The following ABCG1 variants were observed in gnomAD, a reference collection of about 807,000 sequenced individuals.
ABCG1 encodes the protein ATP-binding cassette sub-family G member 1.
A neutral mutation model predicts 69.2 loss-of-function variants in ABCG1; 29 were observed. The observed-to-expected ratio is 0.42, with a 90% CI of 0.31 to 0.57. The LOEUF is 0.57. Among genes scored for constraint, ABCG1 ranks in the 20% least tolerant of loss-of-function variants. The pLI is 0.15. For missense variants in ABCG1, 718 were observed against 898.1 expected, an observed-to-expected ratio of 0.80 and a Z score of 2.56; for synonymous variants, 370 against 374.8, an observed-to-expected ratio of 0.99 and a Z score of 0.15.
chr21:42,213,049 G>T (rs2123476776), upstream of ABCG1, among the ~76,000 whole-genome samples: 1 of 152,346 alleles, frequency 6.6e-6, no homozygotes, highest in African/African-American at 2.4e-5. Flanking sequence ...TTCTCAGCCT[G>T]ACCATACTGT....
At chr21:42,226,290 T>C (rs1446344411) in intron 2 of ABCG1, among the ~76,000 whole-genome samples, 1 of 152,134 alleles carries the variant, frequency 6.6e-6, no homozygotes, top group Non-Finnish European at 1.5e-5. Flanking sequence ...CAGAGCAAAA[T>C]GGGGGACAGG....
chr21:42,251,043 T>C (rs2068212251), intron 2 of ABCG1, among the ~76,000 whole-genome samples: 1 of 47,900 alleles, frequency 2.1e-5, no homozygotes, highest in Non-Finnish European at 3.6e-5. Flanking sequence ...TGAACTTGCC[T>C]GACCATACCC....
At chr21:42,262,776 C>T (rs2068435288) in intron 2 of ABCG1, among the ~76,000 whole-genome samples, 1 of 152,206 alleles carries the variant, frequency 6.6e-6, no homozygotes, top group Non-Finnish European at 1.5e-5. Context: ...TTGAGCAGGT[C>T]ATTAACCCTC....
intron 2 of ABCG1, among the ~76,000 whole-genome samples, chr21:42,252,550 C>T (rs544280262): frequency 9.3e-4 from 142 of 152,210 alleles, no homozygotes; most frequent in African/African-American, 3.3e-3. Context: ...TGAGACTCAG[C>T]CATGGCTGCT....
At chr21:42,251,117 C>A (rs1278481555) in intron 2 of ABCG1, among the ~76,000 whole-genome samples, 1 of 152,184 alleles carries the variant, frequency 6.6e-6, no homozygotes, top group African/African-American at 2.4e-5. Flanking sequence ...GGTCGGTGAC[C>A]TACCCAGGAG....
intron 13 of ABCG1, among the ~76,000 whole-genome samples, chr21:42,293,101 CGG>C (rs2069111061): frequency 1.6e-4 from 18 of 111,586 alleles, no homozygotes; most frequent in South Asian, 6.1e-4. Flanking sequence ...ACACCACACA[CGG>C]TACACACCAC....
chr21:42,243,108 C>T (rs556029192), intron 2 of ABCG1, among the ~76,000 whole-genome samples: 26 of 152,314 alleles, frequency 1.7e-4, no homozygotes, highest in African/African-American at 4.8e-4. Flanking sequence ...CCTGCTCTCC[C>T]ATGGTCAGGC....
rs2067678769 is a variant in ABCG1, at chr21:42,219,164, C to A, written c.-99C>A. 2.7e-6 allele frequency: 3 copies of A among 1,111,914 alleles called. No homozygotes were observed. The Admixed American group carries it at 1.4e-4, about 51-fold the overall frequency. The allele number at this position is 1,111,914 out of a possible 1,614,324, so 68.9% of individuals were successfully genotyped here. A position where few individuals can be genotyped will look rare whatever the true frequency, so the allele number is the denominator to read the frequency against. On this transcript the variant is annotated 5_prime_UTR_variant, in exon 1 of 15. Transcript: ENST00000398449. This position sits in a 1 kb window ranked among gnomAD's most constrained non-coding sequence, Gnocchi z 5.3. ...CGGAGCCCAAGCGCAGCCCGCACCC[C>A]GCGCAGCGGCTGAGCCGGGAGCCAG...
intron 2 of ABCG1, among the ~76,000 whole-genome samples, chr21:42,234,054 A>T (rs577339438): frequency 6.6e-6 from 1 of 152,354 alleles, no homozygotes; most frequent in African/African-American, 2.4e-5. Flanking sequence ...TTTAATTAAA[A>T]ATAACTGGTG....
upstream of ABCG1, among the ~76,000 whole-genome samples, chr21:42,216,632 G>A (rs8134346): frequency 0.021 from 3,129 of 152,286 alleles, 100 homozygotes; most frequent in African/African-American, 0.07. Context: ...GGCCAGAGCC[G>A]TGGAGACAGC....
At chr21:42,292,306 C>T (rs2069078417) in intron 13 of ABCG1, among the ~76,000 whole-genome samples, 1 of 152,082 alleles carries the variant, frequency 6.6e-6, no homozygotes, top group South Asian at 2.1e-4. Flanking sequence ...AAGCAAGCTC[C>T]CTGGCCTCCA....
chr21:42,263,100 C>G (rs2068441655), intron 2 of ABCG1, among the ~76,000 whole-genome samples: 1 of 152,232 alleles, frequency 6.6e-6, no homozygotes, highest in Non-Finnish European at 1.5e-5. Flanking sequence ...GCACTGTTAG[C>G]TAATGTAGGA....
Position 42,291,473 on chromosome 21 carries a change from G to T in ABCG1, c.1495-25G>T, listed in dbSNP as rs200089864. 2 of 1,594,942 alleles carry T rather than the reference G, an allele frequency of 1.3e-6. No homozygotes were observed. The highest frequency in any genetic ancestry group is 1.1e-5 in the South Asian group (1 of 89,358). ...GCTGTGGTGGGAAGCGGCTGAGCCC[G>T]CGGCTGACGGGTCCTTGTTTCCAGA... On this transcript the variant is annotated intron_variant, in intron 12 of 14. Transcript: ENST00000398449. The surrounding 1 kb of genome is among the most constrained non-coding windows in gnomAD (Gnocchi z 6.4).
intron 7 of ABCG1, 56 bp from the exon 8 acceptor site, chr21:42,285,824 G>A (rs1437800172): frequency 2.4e-5 from 29 of 1,213,922 alleles, no homozygotes; most frequent in South Asian, 6.1e-5. Flanking sequence ...TGAGGGCTCC[G>A]GTTGCCTTCC....
intron 6 of ABCG1, 122 bp from the exon 7 acceptor site, chr21:42,284,424 CCTGGGACGGGGCAG>C (rs2068897422): frequency 9.2e-7 from 1 of 1,084,492 alleles, no homozygotes; most frequent in Non-Finnish European, 1.3e-6. Flanking sequence ...CAGAGCCCGG[CCTGGGACGGGGCAG>C]CTGCAGCTGC....
In ABCG1 at chr21:42,225,694, G is replaced by T. The variant is rs1196222027; in HGVS notation, c.66G>T (p.Glu22Asp). The T allele has an allele frequency of 1.9e-6, 3 of 1,613,054 alleles. No individual in the cohort carries two copies. Among genetic ancestry groups the T allele is most frequent in the Non-Finnish European group, 2.5e-6 (3 of 1,179,914 alleles). ...TAMNASSYSA[E>D]MTEPKSVCVS... ...AGAATGCCAGCAGTTACTCTGCAGA[G>T]ATGACGGAGCCCAAGTCGGTGTGTG... is the stretch of plus-strand genomic sequence containing the variant. Residue 22 changes from glutamate (E) to aspartate (D), a missense_variant, in exon 2 of 15, where the codon GAG (glutamate) becomes GAT (aspartate). This residue lies in a region of ABCG1 where 514 missense variants were observed against 574.3 expected (regional missense o/e 0.90). Coordinates refer to ENST00000398449, the MANE Select transcript of ABCG1 (RefSeq NM_016818.3).
Position 42,228,443 on chromosome 21 carries a change from C to T in ABCG1, c.286+2529C>T, listed in dbSNP as rs145708473. Among the ~76,000 whole-genome samples the T allele has an allele frequency of 1.2e-3, 178 of 152,336 alleles. 2 individuals are homozygous for T. The highest frequency in any genetic ancestry group is 3.9e-3 in the African/African-American group (161 of 41,570). The stretch of plus-strand genomic sequence containing the variant: ...TCTTCCCTCTCCCTGCTCCTCCTCC[C>T]CTGCCTGCCCCATCCTTTCCTTTGT... On this transcript the variant is annotated intron_variant, in intron 2 of 14. Coordinates refer to ENST00000398449, the MANE Select transcript of ABCG1 (RefSeq NM_016818.3).
intron 2 of ABCG1, among the ~76,000 whole-genome samples, chr21:42,259,711 G>A (rs768975182): frequency 5.9e-5 from 9 of 152,254 alleles, no homozygotes; most frequent in East Asian, 5.8e-4. Context: ...ACAGTTACTC[G>A]GTGATGGGAG....
chr21:42,273,365 G>A lies in ABCG1; in HGVS notation c.467G>A (p.Arg156Gln), dbSNP rs200913389. 13 of 1,613,914 alleles carry A rather than the reference G, an allele frequency of 8.1e-6. No individual in the cohort carries two copies. The highest frequency in any genetic ancestry group is 1.0e-5 in the Non-Finnish European group (12 of 1,179,994). ...NGLPRDLRCF[R>Q]KVSCYIMQDD... The stretch of plus-strand genomic sequence containing the variant: ...CTGCCCCGGGACCTGCGCTGCTTCC[G>A]GAAGGTGTCCTGCTACATCATGCAG... The change falls in exon 4 of 15, where the codon CGG becomes CAG. Residue 156 changes from arginine (R) to glutamine (Q), a missense_variant. Transcript: ENST00000398449. This position sits in a 1 kb window ranked among gnomAD's most constrained non-coding sequence, Gnocchi z 5.3.
Sources: gnomAD v4.1 joint callset for allele counts (sites outside exome capture counted in the v4.1 genomes callset) on GRCh38, gnomAD v4.1.1 for gene constraint, gnomAD v4.1.1 regional missense constraint, Gnocchi (gnomAD v3.1) non-coding constraint, MANE v1.5 for transcripts, NCBI Gene and HGNC (gene_info 2026-07-23, HGNC 2026-07-21) for gene names.